Variants in ARHGAP28 observed in about 807,000 individuals in gnomAD.
ARHGAP28 encodes rho GTPase-activating protein 28.
In ARHGAP28, 56 loss-of-function variants were observed where a neutral mutation model predicts 90.7. The observed-to-expected ratio is 0.62, with a 90% CI of 0.50 to 0.77. ARHGAP28 has a LOEUF of 0.77. Ranked by LOEUF, ARHGAP28 falls within the 30% of genes least tolerant of loss-of-function variation. The pLI is 0.00. For missense variants in ARHGAP28, 869 were observed against 900.9 expected, an observed-to-expected ratio of 0.96 and a Z score of 0.45; for synonymous variants, 308 against 323.3, an observed-to-expected ratio of 0.95 and a Z score of 0.51.
chr18:6,755,885 A>G (rs952909411), intron 1 of ARHGAP28, among the ~76,000 whole-genome samples: 1 of 152,248 alleles, frequency 6.6e-6, no homozygotes, highest in Non-Finnish European at 1.5e-5. Flanking sequence ...ATTTTGGTTC[A>G]TATATAGAAT....
chr18:6,873,595 C>A, intron 8 of ARHGAP28, 21 bp downstream of exon 8: 2 of 1,611,418 alleles, frequency 1.2e-6, no homozygotes, highest in Non-Finnish European at 1.7e-6. Context: ...AGACTGATTG[C>A]TTCTGGCTTT....
At chr18:6,789,862 C>G (rs527830543) in intron 1 of ARHGAP28, 1 of 151,022 alleles carries the variant, frequency 6.6e-6, no homozygotes, top group South Asian at 2.1e-4. Context: ...GAGTCTCACT[C>G]TGTCGCCCAG....
chr18:6,891,012 G>A lies in ARHGAP28; in HGVS notation c.1848+469G>A, dbSNP rs539815899. 5.3e-4 allele frequency among the ~76,000 whole-genome samples: 81 copies of A among 152,338 alleles called. 1 individual carries two copies. The South Asian group carries it at 0.016, about 30-fold the overall frequency. ...GAGTTTTGTTTTAACACAGTTATTTGTGTGGAGGCACATAATGCCAACAAG... is the reference window on the plus strand; with the variant it reads ...GAGTTTTGTTTTAACACAGTTATTTATGTGGAGGCACATAATGCCAACAAG... On this transcript the variant is annotated intron_variant, in intron 14 of 17. Transcript: ENST00000383472.
chr18:6,781,311 G>A (rs1190954116), intron 1 of ARHGAP28, among the ~76,000 whole-genome samples: 1 of 152,122 alleles, frequency 6.6e-6, no homozygotes, highest in East Asian at 1.9e-4. Flanking sequence ...GCTCCCACCT[G>A]GGTCTCTGAT....
At chr18:6,760,475 A>G (rs1204616577) in intron 1 of ARHGAP28, among the ~76,000 whole-genome samples, 1 of 152,128 alleles carries the variant, frequency 6.6e-6, no homozygotes, top group Admixed American at 6.5e-5. Flanking sequence ...TGAAATTTAA[A>G]TGCATGACTT....
chr18:6,898,338 G>A (rs1046380150), intron 16 of ARHGAP28: 3 of 597,608 alleles, frequency 5.0e-6, no homozygotes, highest in Non-Finnish European at 8.5e-6. Context: ...TTCACTTTGT[G>A]AAAATTCATC....
intron 1 of ARHGAP28, among the ~76,000 whole-genome samples, chr18:6,792,020 C>T (rs1490963922): frequency 1.3e-5 from 2 of 152,114 alleles, no homozygotes; most frequent in Non-Finnish European, 2.9e-5. Context: ...TGGTCTCGAA[C>T]TCCTGACTTC....
At chr18:6,845,773 C>T (rs759972328) in intron 3 of ARHGAP28, among the ~76,000 whole-genome samples, 15 of 152,276 alleles carry the variant, frequency 9.9e-5, no homozygotes, top group Non-Finnish European at 2.2e-4. Flanking sequence ...TTTATGGCTG[C>T]ATAGTATTCC....
intron 5 of ARHGAP28, among the ~76,000 whole-genome samples, chr18:6,864,368 T>G (rs1003654616): frequency 2.6e-5 from 4 of 152,186 alleles, no homozygotes; most frequent in Non-Finnish European, 5.9e-5. Flanking sequence ...TGGGCCTGTT[T>G]AATTTTTTAA....
At chr18:6,895,396 G>A (rs938772158) in intron 15 of ARHGAP28, among the ~76,000 whole-genome samples, 1 of 152,158 alleles carries the variant, frequency 6.6e-6, no homozygotes, top group Non-Finnish European at 1.5e-5. Flanking sequence ...AGTTCCCTAG[G>A]GCTGCCCTAA....
At chr18:6,879,174 G>A (rs1289153691) in intron 10 of ARHGAP28, among the ~76,000 whole-genome samples, 1 of 152,162 alleles carries the variant, frequency 6.6e-6, no homozygotes, top group Non-Finnish European at 1.5e-5. Context: ...GCTTTGGTTG[G>A]TGTTTGCAAT....
intron 3 of ARHGAP28, among the ~76,000 whole-genome samples, chr18:6,848,998 C>T (rs2056887806): frequency 6.6e-6 from 1 of 151,740 alleles, no homozygotes; most frequent in Non-Finnish European, 1.5e-5. Context: ...ACCTGTAATT[C>T]TAGCACTTTT....
intron 5 of ARHGAP28, among the ~76,000 whole-genome samples, chr18:6,864,030 G>C (rs2143436902): frequency 6.7e-6 from 1 of 150,012 alleles, no homozygotes; most frequent in East Asian, 2.1e-4. Context: ...GGTGGCGTGA[G>C]CCACCACGCC....
intron 1 of ARHGAP28, chr18:6,754,697 C>G (rs1341243115): frequency 6.6e-6 from 1 of 152,150 alleles, no homozygotes; most frequent in Non-Finnish European, 1.5e-5. Context: ...GGTCAATTTC[C>G]CAAGGATCTT....
chr18:6,902,820 G>A (rs1364227624), intron 16 of ARHGAP28, among the ~76,000 whole-genome samples: 1 of 152,078 alleles, frequency 6.6e-6, no homozygotes, highest in Non-Finnish European at 1.5e-5. Flanking sequence ...CTGTGGGTAC[G>A]TGGCCAAAAA....
chr18:6,850,966 T>C lies in ARHGAP28; in HGVS notation c.544-68T>C. ...TATATAAAAACTCTAGTGTAATGCATGTGTGAATACGCAGTCATATTTGGA... is the reference window on the plus strand; with the variant it reads ...TATATAAAAACTCTAGTGTAATGCACGTGTGAATACGCAGTCATATTTGGA... On this transcript the variant is annotated intron_variant, in intron 3 of 17. Coordinates refer to ENST00000383472, the MANE Select transcript of ARHGAP28 (RefSeq NM_001366230.1). 20 of 1,591,952 alleles carry C rather than the reference T, an allele frequency of 1.3e-5. No individual in the cohort carries two copies. In the South Asian group the frequency reaches 2.2e-4, roughly 18 times the overall value.
chr18:6,735,793 G>A (rs1045828590), intron 1 of ARHGAP28, among the ~76,000 whole-genome samples: 2 of 152,066 alleles, frequency 1.3e-5, no homozygotes, highest in Non-Finnish European at 2.9e-5. Context: ...GGGCTCAAGT[G>A]ATCTGCCCAC....
intron 1 of ARHGAP28, among the ~76,000 whole-genome samples, chr18:6,777,083 T>A (rs2056289794): frequency 6.6e-6 from 1 of 152,194 alleles, no homozygotes; most frequent in Non-Finnish European, 1.5e-5. Flanking sequence ...ACATGACTCT[T>A]GCAAGGGTAT....
Position 6,909,444 on chromosome 18 carries a change from C to T in ARHGAP28, c.2095+420C>T, listed in dbSNP as rs565076630. Among the ~76,000 whole-genome samples the T allele has an allele frequency of 1.3e-4, 19 of 151,876 alleles. No individual in the cohort carries two copies. The South Asian group carries it at 2.1e-3, about 17-fold the overall frequency. ...AGTAGCTGGGATTGCAGATGCCCGC[C>T]ACCACGCCCAGACAATTTTTATATT... On this transcript the variant is annotated intron_variant, in intron 17 of 17. Coordinates refer to ENST00000383472, the MANE Select transcript of ARHGAP28 (RefSeq NM_001366230.1).
Sources: gnomAD v4.1 joint callset for allele counts (sites outside exome capture counted in the v4.1 genomes callset) on GRCh38, gnomAD v4.1.1 for gene constraint, MANE v1.5 for transcripts, NCBI Gene and HGNC (gene_info 2026-07-23, HGNC 2026-07-21) for gene names.